Variants in AK3 observed in about 807,000 individuals in gnomAD.
AK3 encodes adenylate kinase 3.
A neutral mutation model predicts 23.7 loss-of-function variants in AK3; 27 were observed. The ratio of observed to expected loss-of-function variants is 1.14; its 90% CI spans 0.84 to 1.57. The LOEUF is 1.57. Among genes scored for constraint, AK3 ranks in the 40% most tolerant of loss-of-function variants. The pLI, the probability that AK3 is intolerant of heterozygous loss-of-function variation, is 0.00. For missense variants in AK3, 406 were observed against 285.6 expected (o/e 1.42, Z -3.04); for synonymous variants, 159 against 116.0 (o/e 1.37, Z -2.38).
At chr9:4,730,706 A>T (rs887622371) in intron 1 of AK3, among the ~76,000 whole-genome samples, 3 of 152,220 alleles carry the variant, frequency 2.0e-5, no homozygotes, top group Non-Finnish European at 4.4e-5. Context: ...ATTTATCATG[A>T]ACTTTTTTAT....
intron 1 of AK3, among the ~76,000 whole-genome samples, chr9:4,730,507 G>A (rs1375660215): frequency 1.3e-5 from 2 of 152,180 alleles, no homozygotes; most frequent in African/African-American, 4.8e-5. Flanking sequence ...GGAAACTGAG[G>A]TGGGAGGATT....
At chr9:4,739,200 T>C (rs1425556193) in intron 1 of AK3, among the ~76,000 whole-genome samples, 6 of 152,040 alleles carry the variant, frequency 3.9e-5, no homozygotes, top group South Asian at 2.1e-4. Context: ...ATCTCTGTTC[T>C]TTCTTTCTTT....
At chr9:4,732,038 G>A (rs1200347609) in intron 1 of AK3, among the ~76,000 whole-genome samples, 3 of 152,198 alleles carry the variant, frequency 2.0e-5, no homozygotes, top group East Asian at 1.9e-4. Context: ...CAGCCTCGAC[G>A]TGCTGGGTCC....
chr9:4,713,904 G>A (rs72499170), intron 4 of AK3, among the ~76,000 whole-genome samples: 235 of 868 alleles, frequency 0.27, 6 homozygotes, highest in Middle Eastern at 0.5. Context: ...GTACACCTAC[G>A]CCTACACATA....
chr9:4,731,571 A>C (rs1842154550), intron 1 of AK3, among the ~76,000 whole-genome samples: 1 of 72,206 alleles, frequency 1.4e-5, no homozygotes, highest in African/African-American at 3.4e-5. Flanking sequence ...ATTGAAGCTT[A>C]CTTAAAAAAA....
intron 1 of AK3, among the ~76,000 whole-genome samples, chr9:4,737,236 T>TTTGC (rs71326130): frequency 0.18 from 27,956 of 151,706 alleles, 3,127 homozygotes; most frequent in East Asian, 0.44. Context: ...TTTATGTCTG[T>TTTGC]TTCAATTCTG....
At chr9:4,722,065 A>T (rs1183025610) in intron 2 of AK3, among the ~76,000 whole-genome samples, 2 of 152,194 alleles carry the variant, frequency 1.3e-5, no homozygotes, top group Non-Finnish European at 1.5e-5. Flanking sequence ...TCCCAAGTTT[A>T]TCCCAGTTTT....
At chr9:4,722,433 C>G in intron 2 of AK3, 73 bp downstream of exon 2, 3 of 1,604,324 alleles carry the variant, frequency 1.9e-6, no homozygotes, top group Non-Finnish European at 1.7e-6. Flanking sequence ...CTGTCTGAAG[C>G]CCATGAAATG....
chr9:4,731,268 C>CCCCA (rs545671548), intron 1 of AK3, among the ~76,000 whole-genome samples: 66 of 152,226 alleles, frequency 4.3e-4, no homozygotes, highest in African/African-American at 1.4e-3. Context: ...TCTCCCTCCT[C>CCCCA]CCCACCTCCA....
rs76198439 is a variant in AK3, at chr9:4,712,993, C to A, written c.667G>T (p.Ala223Ser). The A allele has an allele frequency of 6.2e-7, 1 of 1,613,480 alleles. No individual in the cohort carries two copies. The highest frequency in any genetic ancestry group is 8.5e-7 in the Non-Finnish European group (1 of 1,179,644). ...ATTTCTCCTCATGGAGTAACTGAAG[C>A]TTTCTGGCTTCTTTGTGGAACTTTA... is the stretch of plus-strand genomic sequence containing the variant. ...QTKVPQRSQK[A>S]SVTP Residue 223 changes from alanine (A) to serine (S), a missense_variant, in exon 5 of 5, where the codon GCT becomes TCT. By Grantham distance (99) the Ala-to-Ser change is moderately conservative. Coordinates refer to ENST00000381809, the MANE Select transcript of AK3 (RefSeq NM_016282.4).
At chr9:4,741,454 C>T (rs569490728), upstream of AK3, 1 of 202,916 alleles carries the variant, frequency 4.9e-6, no homozygotes, top group African/African-American at 2.3e-5. Context: ...CCTTCGGCGC[C>T]CCTCTGCACC....
chr9:4,720,545 C>T (rs1587642673), intron 2 of AK3, among the ~76,000 whole-genome samples: 1 of 151,994 alleles, frequency 6.6e-6, no homozygotes, highest in Non-Finnish European at 1.5e-5. Flanking sequence ...ACAAAATTAG[C>T]AGGGCGTGGT....
chr9:4,722,827 C>T (rs35843737), intron 1 of AK3, among the ~76,000 whole-genome samples: 33,893 of 152,076 alleles, frequency 0.22, 4,079 homozygotes, highest in Middle Eastern at 0.32. Context: ...GAGGCCCAGG[C>T]GGGTAGATCA....
At chr9:4,731,178 T>C (rs1181983699) in intron 1 of AK3, among the ~76,000 whole-genome samples, 3 of 152,216 alleles carry the variant, frequency 2.0e-5, no homozygotes, top group Non-Finnish European at 2.9e-5. Context: ...TGGGTGAACT[T>C]GTGTCATGGG....
In AK3 at chr9:4,735,314, T is replaced by TATACATACATATATAA. The variant is rs1842250515; in HGVS notation, c.151+5622_151+5623insTTATATATGTATGTAT. ...ATAAATATATATATACATATATAAA[T>TATACATACATATATAA]ATATATATACATATATAAATATATA... On this transcript the variant is annotated intron_variant, in intron 1 of 4. Coordinates refer to ENST00000381809, the MANE Select transcript of AK3 (RefSeq NM_016282.4). 2.2e-4 allele frequency among the ~76,000 whole-genome samples: 3 copies of TATACATACATATATAA among 13,716 alleles called. 1 individual carries two copies. The highest frequency in any genetic ancestry group is 6.8e-4 in the African/African-American group (3 of 4,424). 9.0% of individuals were successfully genotyped at this position (13,716 alleles called of 152,430 possible).
At chr9:4,720,349 G>A (rs146090224) in intron 2 of AK3, among the ~76,000 whole-genome samples, 4 of 152,034 alleles carry the variant, frequency 2.6e-5, no homozygotes, top group Non-Finnish European at 5.9e-5. Flanking sequence ...CAGAATACCA[G>A]AAAAAAATTA....
At chr9:4,732,581 T>G (rs927780437) in intron 1 of AK3, among the ~76,000 whole-genome samples, 4 of 152,110 alleles carry the variant, frequency 2.6e-5, no homozygotes, top group African/African-American at 9.7e-5. Flanking sequence ...TCTACAAAGT[T>G]ATACACAAAA....
chr9:4,717,371 G>A (rs1288585686), intron 4 of AK3, among the ~76,000 whole-genome samples: 1 of 152,154 alleles, frequency 6.6e-6, no homozygotes, highest in Non-Finnish European at 1.5e-5. Flanking sequence ...TATACGTGTT[G>A]CAGACAAAAC....
intron 4 of AK3, among the ~76,000 whole-genome samples, chr9:4,717,567 C>T (rs1841770495): frequency 6.6e-6 from 1 of 152,174 alleles, no homozygotes; most frequent in Non-Finnish European, 1.5e-5. Flanking sequence ...TACCGACAAT[C>T]CCCAGCTTAC....
Sources: allele counts gnomAD v4.1 joint callset (sites outside exome capture counted in the v4.1 genomes callset), GRCh38; gene constraint gnomAD v4.1.1; transcripts MANE v1.5; gene names NCBI Gene and HGNC (gene_info 2026-07-23, HGNC 2026-07-21).